STARD3NL: variants seen among roughly 807,000 people sequenced by gnomAD.
The protein encoded by STARD3NL is STARD3 N-terminal like, also known as STARD3 N-terminal-like protein.
Under a neutral mutation model 30.9 loss-of-function variants are expected in STARD3NL, and 17 were observed. That is an observed-to-expected ratio of 0.55 (90% CI 0.38 to 0.82). The LOEUF (loss-of-function observed/expected upper bound fraction) is 0.82, where lower values mean the gene tolerates loss of function less well. Among genes scored for constraint, STARD3NL ranks in the 40% least tolerant of loss-of-function variants. STARD3NL has a pLI of 0.00. For missense variants in STARD3NL, 234 were observed against 277.6 expected (o/e 0.84, Z 1.12); for synonymous variants, 112 against 100.5 (o/e 1.11, Z -0.69).
chr7:38,202,408 C>T (rs933866487), intron 1 of STARD3NL, among the ~76,000 whole-genome samples: 32 of 152,022 alleles, frequency 2.1e-4, no homozygotes, highest in Non-Finnish European at 3.2e-4. Context: ...CTGTACAGAA[C>T]CCCAGCAAAG....
intron 2 of STARD3NL, among the ~76,000 whole-genome samples, chr7:38,209,890 C>T (rs1248751070): frequency 2.0e-5 from 3 of 152,188 alleles, no homozygotes; most frequent in African/African-American, 7.2e-5. Context: ...ATCACCAGGC[C>T]TAGCAATTTA....
chr7:38,184,831 G>T (rs1320476592), intron 1 of STARD3NL, among the ~76,000 whole-genome samples: 1 of 144,332 alleles, frequency 6.9e-6, no homozygotes. Flanking sequence ...TATATATATA[G>T]GCAGCATATA....
intron 6 of STARD3NL, 103 bp from the exon 7 acceptor site, chr7:38,219,462 G>T: frequency 1.4e-6 from 1 of 712,100 alleles, no homozygotes; most frequent in South Asian, 1.8e-5. Context: ...TTTTCTAAAG[G>T]TATTTCATTG....
At chr7:38,182,174 G>C (rs1784277863) in intron 1 of STARD3NL, among the ~76,000 whole-genome samples, 1 of 152,102 alleles carries the variant, frequency 6.6e-6, no homozygotes, top group African/African-American at 2.4e-5. Context: ...GCAGATTGTA[G>C]AGCCCTGTTA....
At chr7:38,204,845 A>G (rs1785368773) in intron 1 of STARD3NL, among the ~76,000 whole-genome samples, 1 of 152,126 alleles carries the variant, frequency 6.6e-6, no homozygotes, top group African/African-American at 2.4e-5. Context: ...CCATCAGAGA[A>G]TACTATAAAC....
At chr7:38,226,506 G>GAA (rs1562629269) in intron 7 of STARD3NL, among the ~76,000 whole-genome samples, 1 of 152,164 alleles carries the variant, frequency 6.6e-6, no homozygotes, top group East Asian at 1.9e-4. Flanking sequence ...CTGCCAGGTA[G>GAA]AAATGTACAT....
chr7:38,199,073 A>G (rs6962982), intron 1 of STARD3NL, among the ~76,000 whole-genome samples: 1,857 of 152,314 alleles, frequency 0.012, 51 homozygotes, highest in African/African-American at 0.043. Flanking sequence ...CTTTTTCAGA[A>G]AACAACCAAA....
chr7:38,215,671 A>G (rs1786065085), intron 4 of STARD3NL: 1 of 152,446 alleles, frequency 6.6e-6, no homozygotes, highest in Non-Finnish European at 1.5e-5. Context: ...TTAGAGATTG[A>G]TAGAATTACT....
At chr7:38,197,161 T>C (rs575979896) in intron 1 of STARD3NL, among the ~76,000 whole-genome samples, 3 of 146,846 alleles carry the variant, frequency 2.0e-5, no homozygotes, top group Non-Finnish European at 4.5e-5. Context: ...TCTTTCTTTC[T>C]TTCTTTCTTT....
intron 1 of STARD3NL, among the ~76,000 whole-genome samples, chr7:38,195,455 T>C (rs901859124): frequency 6.6e-6 from 1 of 152,220 alleles, no homozygotes; most frequent in Non-Finnish European, 1.5e-5. Context: ...CCTTGAGTTA[T>C]TGTGGACTTA....
intron 6 of STARD3NL, among the ~76,000 whole-genome samples, chr7:38,217,839 A>G (rs928859607): frequency 2.0e-5 from 3 of 152,114 alleles, no homozygotes; most frequent in African/African-American, 7.2e-5. Context: ...AGGGCTGGGG[A>G]CCATTGGTGG....
At position 38,217,031 on chromosome 7, in the gene STARD3NL, A is replaced by G. The variant is rs778969449; in HGVS notation, c.388A>G (p.Thr130Ala). Residue 130 changes from threonine (T) to alanine (A), a missense_variant, in exon 5 of 9, where the codon ACG (threonine) becomes GCG (alanine). Coordinates refer to ENST00000009041, the MANE Select transcript of STARD3NL (RefSeq NM_032016.4). ...TGGATTATGTGTCTTGCAGTTGACA[A>G]CGGCAGTGACCAGTGCCTTTTTACT... ...LRHWWAIALT[T>A]AVTSAFLLAK... The G allele has an allele frequency of 5.6e-6, 9 of 1,613,982 alleles. No individual in the cohort carries two copies. The highest frequency in any genetic ancestry group is 7.6e-6 in the Non-Finnish European group (9 of 1,179,964).
intron 2 of STARD3NL, among the ~76,000 whole-genome samples, chr7:38,209,694 T>G (rs1425201156): frequency 6.6e-6 from 1 of 152,212 alleles, no homozygotes; most frequent in Admixed American, 6.5e-5. Context: ...GCTGCTTATA[T>G]CACTGTATGC....
chr7:38,197,361 G>T (rs1784973603), intron 1 of STARD3NL, among the ~76,000 whole-genome samples: 1 of 151,656 alleles, frequency 6.6e-6, no homozygotes, highest in African/African-American at 2.4e-5. Context: ...GAGTAGCTAA[G>T]ACTACAAGTC....
chr7:38,190,368 G>A (rs1040563744), intron 1 of STARD3NL, among the ~76,000 whole-genome samples: 4 of 152,154 alleles, frequency 2.6e-5, no homozygotes, highest in African/African-American at 9.7e-5. Context: ...TTCAGATAAG[G>A]TTGGGGAGGG....
chr7:38,192,918 T>A (rs1294621705), intron 1 of STARD3NL, among the ~76,000 whole-genome samples: 4 of 152,056 alleles, frequency 2.6e-5, no homozygotes, highest in Non-Finnish European at 5.9e-5. Flanking sequence ...CAGTTTCCAA[T>A]TTTCTTTCAG....
chr7:38,179,256 C>G (rs1583761389), intron 1 of STARD3NL: 1 of 152,326 alleles, frequency 6.6e-6, no homozygotes, highest in East Asian at 1.9e-4. Context: ...ACCATATCTA[C>G]CCATACGCCT....
intron 1 of STARD3NL, among the ~76,000 whole-genome samples, chr7:38,185,369 GT>G (rs2115932183): frequency 6.6e-6 from 1 of 152,264 alleles, no homozygotes; most frequent in African/African-American, 2.4e-5. Flanking sequence ...CCTATGTGCT[GT>G]TCTTGTATAT....
chr7:38,184,803 T>A (rs1784394366), intron 1 of STARD3NL, among the ~76,000 whole-genome samples: 1 of 145,574 alleles, frequency 6.9e-6, no homozygotes, highest in African/African-American at 2.5e-5. Flanking sequence ...TAAAGAAAAT[T>A]ATGACTATGG....
Sources: gnomAD v4.1 joint callset for allele counts (sites outside exome capture counted in the v4.1 genomes callset) on GRCh38, gnomAD v4.1.1 for gene constraint, MANE v1.5 for transcripts, NCBI Gene and HGNC (gene_info 2026-07-23, HGNC 2026-07-21) for gene names.